ORC5: variants seen among roughly 807,000 people sequenced by gnomAD.
ORC5 encodes protein phosphatase 1, regulatory subunit 117.
In ORC5, 39 loss-of-function variants were observed where a neutral mutation model predicts 58.8. The observed-to-expected ratio is 0.66, with a 90% CI of 0.51 to 0.87. The LOEUF is 0.87. ORC5 is among the 40% of genes least tolerant of loss of function. The probability of loss-of-function intolerance (pLI) is 0.00; values close to 1 mark genes in which losing one functional copy is unlikely to be tolerated. For synonymous variants in ORC5, 218 were observed against 177.6 expected (o/e 1.23, Z -1.81); for missense variants, 493 against 506.3 (o/e 0.97, Z 0.25).
chr7:104,203,430 G>A (rs1799994879), intron 2 of ORC5, among the ~76,000 whole-genome samples: 1 of 152,152 alleles, frequency 6.6e-6, no homozygotes, highest in Admixed American at 6.5e-5. Context: ...GAAAAAGACT[G>A]CCCATCTCTG....
At chr7:104,192,528 A>G (rs528892419) in intron 5 of ORC5, among the ~76,000 whole-genome samples, 29 of 152,272 alleles carry the variant, frequency 1.9e-4, no homozygotes, top group Non-Finnish European at 3.2e-4. Flanking sequence ...CTCCAAAAAA[A>G]GCTTAAAAAT....
chr7:104,166,893 C>G lies in ORC5; in HGVS notation c.878-9G>C, dbSNP rs542453845. ...AGTATGCGCTGAGAGGCCTATATAA[C>G]AAAACACTTTGATGAAGTACTTATT... On this transcript the variant is annotated splice_polypyrimidine_tract_variant and intron_variant, in intron 9 of 13. Coordinates refer to ENST00000297431, the MANE Select transcript of ORC5 (RefSeq NM_002553.4). The G allele has an allele frequency of 1.4e-6, 2 of 1,480,024 alleles. No homozygotes were observed. Among genetic ancestry groups the G allele is most frequent in the African/African-American group, 1.4e-5 (1 of 71,762 alleles). 91.7% of individuals were successfully genotyped at this position (1,480,024 alleles called of 1,614,324 possible).
chr7:104,162,481 T>C lies in ORC5; in HGVS notation c.1039-1299A>G, dbSNP rs78837236. On this transcript the variant is annotated intron_variant, in intron 11 of 13. Coordinates refer to ENST00000297431, the MANE Select transcript of ORC5 (RefSeq NM_002553.4). ...CCAGCTACAAATAAGTACTTTATAT[T>C]AGCAATGGCAAATAAAATTGGAAAC... Among the ~76,000 whole-genome samples the C allele has an allele frequency of 2.0e-5, 3 of 152,324 alleles. No homozygotes were observed. The East Asian group carries it at 5.8e-4, about 29-fold the overall frequency.
chr7:104,164,850 T>C (rs1234136832), intron 11 of ORC5, among the ~76,000 whole-genome samples: 4 of 152,200 alleles, frequency 2.6e-5, no homozygotes, highest in African/African-American at 4.8e-5. Context: ...TACCATGCAA[T>C]TGCAAATTCT....
intron 8 of ORC5, among the ~76,000 whole-genome samples, chr7:104,179,779 T>C (rs1043394194): frequency 6.6e-6 from 1 of 152,188 alleles, no homozygotes; most frequent in African/African-American, 2.4e-5. Flanking sequence ...TTCTCAGACT[T>C]ATATCTCAGA....
intron 7 of ORC5, 37 bp from the exon 8 acceptor site, chr7:104,184,070 C>G (rs1471886872): frequency 6.3e-7 from 1 of 1,590,022 alleles, no homozygotes; most frequent in African/African-American, 1.4e-5. Flanking sequence ...TAATTTATAT[C>G]TTGTAAAAAC....
In ORC5 at chr7:104,199,259, T is replaced by C. The variant is rs114459436; in HGVS notation, c.367-1460A>G. Among the ~76,000 whole-genome samples, 1,401 of 152,316 alleles carry C rather than the reference T, an allele frequency of 9.2e-3. 24 individuals are homozygous for C. The highest frequency in any genetic ancestry group is 0.032 in the African/African-American group (1,337 of 41,566). On this transcript the variant is annotated intron_variant, in intron 3 of 13. Coordinates refer to ENST00000297431, the MANE Select transcript of ORC5 (RefSeq NM_002553.4). ...GAATGGCAGATTCAACAGCTTGCACTGTGTGCATGGAAAAGCCACAGATAC... is the reference window on the plus strand; with the variant it reads ...GAATGGCAGATTCAACAGCTTGCACCGTGTGCATGGAAAAGCCACAGATAC...
chr7:104,134,997 C>A (rs1038751512), intron 13 of ORC5, among the ~76,000 whole-genome samples: 1 of 152,152 alleles, frequency 6.6e-6, no homozygotes, highest in African/African-American at 2.4e-5. Flanking sequence ...GTCTAAAGTT[C>A]TTGCTTCCTT....
intron 8 of ORC5, among the ~76,000 whole-genome samples, chr7:104,168,805 G>C (rs988332149): frequency 6.6e-6 from 1 of 152,154 alleles, no homozygotes; most frequent in African/African-American, 2.4e-5. Flanking sequence ...ACCCAGGCCG[G>C]GTGTGGTGGC....
At chr7:104,169,148 C>G (rs1340355995) in intron 8 of ORC5, among the ~76,000 whole-genome samples, 1 of 152,142 alleles carries the variant, frequency 6.6e-6, no homozygotes, top group Non-Finnish European at 1.5e-5. Flanking sequence ...TCCCAATGTT[C>G]TAGTTACCGT....
intron 12 of ORC5, among the ~76,000 whole-genome samples, chr7:104,143,901 T>G (rs987700290): frequency 2.0e-5 from 3 of 151,982 alleles, no homozygotes; most frequent in African/African-American, 7.2e-5. Context: ...GGTAGATCAC[T>G]TGAGGCCAGG....
chr7:104,163,430 G>C (rs748711722), intron 11 of ORC5, among the ~76,000 whole-genome samples: 6 of 152,144 alleles, frequency 3.9e-5, no homozygotes, highest in Non-Finnish European at 8.8e-5. Context: ...CAGTTATGTT[G>C]TAAGCAACAT....
intron 8 of ORC5, among the ~76,000 whole-genome samples, chr7:104,179,060 A>T (rs1799380299): frequency 6.6e-6 from 1 of 152,086 alleles, no homozygotes; most frequent in Non-Finnish European, 1.5e-5. Flanking sequence ...TGCAAAGTTA[A>T]GGGTATAAAG....
At chr7:104,128,413 G>C (rs566085283) in intron 13 of ORC5, among the ~76,000 whole-genome samples, 1 of 152,140 alleles carries the variant, frequency 6.6e-6, no homozygotes, top group African/African-American at 2.4e-5. Flanking sequence ...GTGAGCCACC[G>C]CGCCCAGCCA....
intron 6 of ORC5, among the ~76,000 whole-genome samples, chr7:104,187,288 T>A (rs1425002243): frequency 2.0e-5 from 3 of 152,198 alleles, no homozygotes; most frequent in Non-Finnish European, 4.4e-5. Flanking sequence ...CTGTTTTGTT[T>A]TTTCCCAGCT....
intron 8 of ORC5, among the ~76,000 whole-genome samples, chr7:104,176,839 C>A (rs995764612): frequency 6.6e-6 from 1 of 152,030 alleles, no homozygotes; most frequent in Non-Finnish European, 1.5e-5. Context: ...ATTTATGGGC[C>A]GGGCAGTTTT....
At chr7:104,158,027 C>T (rs916449483) in intron 12 of ORC5, among the ~76,000 whole-genome samples, 14 of 152,032 alleles carry the variant, frequency 9.2e-5, no homozygotes, top group South Asian at 4.1e-4. Context: ...TCTCTATTTA[C>T]CCATTTATAC....
intron 5 of ORC5, 91 bp downstream of exon 5, chr7:104,195,052 T>C: frequency 3.1e-6 from 2 of 640,082 alleles, no homozygotes; most frequent in South Asian, 3.9e-5. Context: ...AATAACAAAG[T>C]ATTCCCATTT....
chr7:104,150,744 C>G (rs6944653), intron 12 of ORC5, among the ~76,000 whole-genome samples: 102,995 of 151,984 alleles, frequency 0.68, 35,650 homozygotes, highest in Non-Finnish European at 0.76. Context: ...ATCATTCAAT[C>G]AATGACTCTC....
Sources: allele counts gnomAD v4.1 joint callset (sites outside exome capture counted in the v4.1 genomes callset), GRCh38; gene constraint gnomAD v4.1.1; transcripts MANE v1.5; gene names NCBI Gene and HGNC (gene_info 2026-07-23, HGNC 2026-07-21).